Variants in MTCL2 observed in about 807,000 individuals in gnomAD.
MTCL2 encodes the protein microtubule crosslinking factor 2.
the MTCL2 span, among the ~76,000 whole-genome samples, chr20:36,830,985 G>A: frequency 1.3e-5 from 2 of 152,194 alleles, no homozygotes; most frequent in South Asian, 4.1e-4. Context: ...AGATGTCCAA[G>A]TCATCCCTAC....
the MTCL2 span, among the ~76,000 whole-genome samples, chr20:36,809,543 C>G: frequency 6.6e-6 from 1 of 150,712 alleles, no homozygotes; most frequent in Non-Finnish European, 1.5e-5. Context: ...GGCACAGGGG[C>G]TGAAGACTCA....
chr20:36,838,667 C>G, the MTCL2 span, among the ~76,000 whole-genome samples: 1 of 151,620 alleles, frequency 6.6e-6, no homozygotes, highest in Admixed American at 6.6e-5. Context: ...GGTTGATACT[C>G]AATAAACAGT....
the MTCL2 span, among the ~76,000 whole-genome samples, chr20:36,858,737 T>G: frequency 6.6e-6 from 1 of 152,192 alleles, no homozygotes; most frequent in African/African-American, 2.4e-5. Context: ...CTATTCACAC[T>G]TCCCTGATTC....
chr20:36,805,755 G>C, the MTCL2 span: 1 of 1,093,780 alleles, frequency 9.1e-7, no homozygotes, highest in Non-Finnish European at 1.3e-6. Context: ...CAACTTCAAT[G>C]TCCAGGAATG....
At chr20:36,801,668 T>C in the MTCL2 span, among the ~76,000 whole-genome samples, 205 of 152,112 alleles carry the variant, frequency 1.3e-3, no homozygotes, top group Non-Finnish European at 2.5e-3. Flanking sequence ...ATTTACGTAA[T>C]TAAAATTAAA....
chr20:36,858,705 T>C, the MTCL2 span, among the ~76,000 whole-genome samples: 5 of 152,226 alleles, frequency 3.3e-5, no homozygotes, highest in South Asian at 1.0e-3. Context: ...TTGGGTTCAC[T>C]GCTTGCAAAA....
chr20:36,861,389 G>A, the MTCL2 span, among the ~76,000 whole-genome samples: 3 of 152,168 alleles, frequency 2.0e-5, no homozygotes, highest in African/African-American at 7.2e-5. Context: ...GGTGTCTCTT[G>A]ATTCAGACAG....
At chr20:36,810,137 G>T in the MTCL2 span, 1 of 1,564,954 alleles carries the variant, frequency 6.4e-7, no homozygotes, top group South Asian at 1.2e-5. Flanking sequence ...CACAGATAAT[G>T]AGGAGGGAGA....
At chr20:36,815,768 C>A in the MTCL2 span, 1 of 1,590,224 alleles carries the variant, frequency 6.3e-7, no homozygotes, top group Middle Eastern at 1.7e-4. This position sits in a 1 kb window ranked among gnomAD's most constrained non-coding sequence, Gnocchi z 5.3. Flanking sequence ...AACTGTCCTC[C>A]GACAGCGCCA....
the MTCL2 span, chr20:36,809,873 C>A: frequency 1.5e-6 from 2 of 1,376,722 alleles, no homozygotes. Flanking sequence ...CACACCCAGC[C>A]TCCCCTGACT....
chr20:36,785,348 T>G, the MTCL2 span: 1 of 984,954 alleles, frequency 1.0e-6, no homozygotes. Flanking sequence ...TAAATTACCT[T>G]AGGGACTTTG....
At chr20:36,805,366 G>A in the MTCL2 span, among the ~76,000 whole-genome samples, 1 of 152,100 alleles carries the variant, frequency 6.6e-6, no homozygotes, top group Non-Finnish European at 1.5e-5. Context: ...CTCACCGTGT[G>A]TGACCCTGGG....
chr20:36,809,121 TGA>T, the MTCL2 span, among the ~76,000 whole-genome samples: 1 of 152,180 alleles, frequency 6.6e-6, no homozygotes, highest in African/African-American at 2.4e-5. Context: ...TGAGGACAGC[TGA>T]TGACTAGGCA....
chr20:36,824,158 T>G, the MTCL2 span, among the ~76,000 whole-genome samples: 1 of 152,084 alleles, frequency 6.6e-6, no homozygotes, highest in Non-Finnish European at 1.5e-5. Context: ...CTTTCCCCAG[T>G]CACGTCTACA....
the MTCL2 span, among the ~76,000 whole-genome samples, chr20:36,816,989 G>A: frequency 4.6e-4 from 70 of 151,710 alleles, no homozygotes; most frequent in Admixed American, 9.9e-4. Context: ...CAAGGGGGCC[G>A]GGCGCAGTGG....
the MTCL2 span, among the ~76,000 whole-genome samples, chr20:36,836,197 G>T: frequency 1.3e-5 from 2 of 151,292 alleles, no homozygotes; most frequent in East Asian, 3.9e-4. Flanking sequence ...TTTAGAGAGA[G>T]ACCTTGTCGC....
chr20:36,863,416 G>A, the MTCL2 span: 6 of 1,093,730 alleles, frequency 5.5e-6, no homozygotes, highest in Admixed American at 2.0e-4. The surrounding 1 kb of genome is among the most constrained non-coding windows in gnomAD (Gnocchi z 6.2). Flanking sequence ...CCCTGGGGAG[G>A]GACCCGGCGC....
chr20:36,808,430 G>T, the MTCL2 span: 3 of 1,134,542 alleles, frequency 2.6e-6, no homozygotes, highest in Admixed American at 2.1e-5. Context: ...CCTAGGAGTT[G>T]TGTCAATACC....
the MTCL2 span, among the ~76,000 whole-genome samples, chr20:36,803,956 CAAA>C: frequency 6.0e-4 from 26 of 43,060 alleles, no homozygotes; most frequent in African/African-American, 2.3e-3. Flanking sequence ...GATGCCGTCT[CAAA>C]AAAAAAAAAA....
Sources: allele counts gnomAD v4.1 joint callset (sites outside exome capture counted in the v4.1 genomes callset), GRCh38; gene constraint gnomAD v4.1.1; non-coding constraint Gnocchi (gnomAD v3.1); transcripts MANE v1.5; gene names NCBI Gene and HGNC (gene_info 2026-07-23, HGNC 2026-07-21).